The following NFYB variants were observed in gnomAD, a reference collection of about 807,000 sequenced individuals.
NFYB encodes the protein nuclear transcription factor Y subunit beta.
A neutral mutation model predicts 28.0 loss-of-function variants in NFYB; 13 were observed. The ratio of observed to expected loss-of-function variants is 0.46; its 90% confidence interval spans 0.30 to 0.74. The LOEUF (loss-of-function observed/expected upper bound fraction) is 0.74, where lower values mean the gene tolerates loss of function less well. Ranked by LOEUF, NFYB falls within the 30% of genes least tolerant of loss-of-function variation. The probability of loss-of-function intolerance (pLI) is 0.07; values close to 1 mark genes in which losing one functional copy is unlikely to be tolerated. For synonymous variants in NFYB, 74 were observed against 75.0 expected (o/e 0.99, Z 0.07); for missense variants, 142 against 247.6 (o/e 0.57, Z 2.86).
intron 6 of NFYB, 151 bp from the exon 7 acceptor site, chr12:104,120,630 AT>A (rs1246439124): frequency 1.6e-6 from 1 of 613,364 alleles, no homozygotes; most frequent in Non-Finnish European, 2.9e-6. Flanking sequence ...CCAATTTTCC[AT>A]TTTAAAAAAT....
rs1320654739 is a variant in NFYB at position 104,123,140 on chromosome 12, T to C, written c.429+86A>G. 21 of 1,018,930 alleles carry C rather than the reference T, an allele frequency of 2.1e-5. 1 individual carries two copies. Among genetic ancestry groups the C allele is most frequent in the Middle Eastern group, 6.4e-4 (2 of 3,132 alleles). 63.1% of individuals were successfully genotyped at this position (1,018,930 alleles called of 1,614,324 possible). On this transcript the variant is annotated intron_variant, in intron 5 of 7. Coordinates refer to ENST00000240055, the MANE Select transcript of NFYB (RefSeq NM_006166.4). ...GCAGTGAGCCGAGATCTTGCCACTG[T>C]ACTCCAGCCTGGGCAACAGAGCGAT...
chr12:104,120,537 G>T (rs1328036143), intron 6 of NFYB, 58 bp from the exon 7 acceptor site: 17 of 1,193,380 alleles, frequency 1.4e-5, no homozygotes, highest in Non-Finnish European at 1.7e-5. Flanking sequence ...TTCTTGGGTT[G>T]TATCTTAAGG....
chr12:104,128,539 T>C, intron 2 of NFYB, 22 bp from the exon 3 acceptor site: 2 of 1,531,902 alleles, frequency 1.3e-6, no homozygotes, highest in East Asian at 2.3e-5. Context: ...AAAACAGTTT[T>C]TCAATACTTT....
In NFYB at chr12:104,121,325, AG is replaced by A; in HGVS notation, c.430-5del. The A allele has an allele frequency of 6.2e-7, 1 of 1,602,508 alleles. No homozygotes were observed. The highest frequency in any genetic ancestry group is 8.5e-7 in the Non-Finnish European group (1 of 1,176,212). On this transcript the variant is annotated splice_polypyrimidine_tract_variant and splice_region_variant and intron_variant, in intron 5 of 7. Transcript: ENST00000240055. ...TTCCCTTTTCTCCTTTCATAGCCTG[AG>A]GAAGGAAAAAAAAAAAGTCACTGAT...
At position 104,121,414 on chromosome 12, in the gene NFYB, A is replaced by G. The variant is rs1321067296; in HGVS notation, c.430-93T>C. 7.8e-6 allele frequency: 8 copies of G among 1,020,592 alleles called. No individual in the cohort carries two copies. In the Admixed American group the frequency reaches 1.6e-4, roughly 21 times the overall value. The allele number at this position is 1,020,592 out of a possible 1,614,324, so 63.2% of individuals were successfully genotyped here. On this transcript the variant is annotated intron_variant, in intron 5 of 7. Transcript: ENST00000240055. Reference sequence around the variant, plus strand: ...TTATTGCCTAAAATTAGGAGCTTCTATTATTACAAACTCTAAGCAGAGTAT... The same window carrying G: ...TTATTGCCTAAAATTAGGAGCTTCTGTTATTACAAACTCTAAGCAGAGTAT...
Position 104,138,066 on chromosome 12 carries a change from G to A in NFYB, c.-80+75C>T, listed in dbSNP as rs1040004271. 2.1e-4 allele frequency: 31 copies of A among 147,838 alleles called. 1 individual carries two copies. Among genetic ancestry groups the A allele is most frequent in the Middle Eastern group, 3.4e-3 (1 of 292 alleles). 9.2% of individuals were successfully genotyped at this position (147,838 alleles called of 1,614,324 possible). The stretch of plus-strand genomic sequence containing the variant: ...GCGTTGGCGGCGGGGACGGCGCCGG[G>A]AGGAGACGGACATTTCATTCGAGCT... On this transcript the variant is annotated intron_variant, in intron 1 of 7. Transcript: ENST00000240055.
intron 1 of NFYB, 129 bp from the exon 2 acceptor site, chr12:104,135,661 C>G (rs1427861176): frequency 7.3e-6 from 3 of 412,338 alleles, no homozygotes; most frequent in African/African-American, 6.2e-5. Flanking sequence ...TATTCTTAAT[C>G]AATGGAGTAC....
At chr12:104,130,745 G>A (rs2030892182) in intron 2 of NFYB, among the ~76,000 whole-genome samples, 1 of 152,146 alleles carries the variant, frequency 6.6e-6, no homozygotes, top group Non-Finnish European at 1.5e-5. Context: ...CATACTAGGA[G>A]AGTATCCTTT....
chr12:104,126,062 T>G, intron 4 of NFYB, 52 bp downstream of exon 4: 1 of 1,508,706 alleles, frequency 6.6e-7, no homozygotes, highest in Non-Finnish European at 8.8e-7. Context: ...TGAATTCATG[T>G]AGTTTCGTGT....
intron 2 of NFYB, among the ~76,000 whole-genome samples, chr12:104,133,480 G>A (rs990132937): frequency 4.6e-5 from 7 of 152,182 alleles, no homozygotes; most frequent in African/African-American, 1.7e-4. Context: ...TCTTAGGACC[G>A]ATTTCGTGGG....
intron 3 of NFYB, among the ~76,000 whole-genome samples, chr12:104,127,410 A>T (rs1408948505): frequency 2.0e-5 from 3 of 150,330 alleles, no homozygotes; most frequent in African/African-American, 7.3e-5. Context: ...TGTCTCTACT[A>T]AAAAAAAATT....
rs1212894910 is a variant in NFYB, at chr12:104,121,439, T to C, written c.430-118A>G. On this transcript the variant is annotated intron_variant, in intron 5 of 7. Transcript: ENST00000240055. The stretch of plus-strand genomic sequence containing the variant: ...ATTATTACAAACTCTAAGCAGAGTA[T>C]TTATTAACACTTCTGGTTAATTACA... 26 of 783,910 alleles carry C rather than the reference T, an allele frequency of 3.3e-5. No homozygotes were observed. In the Admixed American group the frequency reaches 3.7e-4, roughly 11 times the overall value. The allele number at this position is 783,910 out of a possible 1,614,324, so 48.6% of individuals were successfully genotyped here.
rs758852746 is a variant in NFYB at position 104,120,444 on chromosome 12, C to T, written c.547G>A (p.Gly183Ser). ...TAAACCATAACATTTTGTTGTTGAC[C>T]GTCTGTGGTTATTAAGCCAGCTGGT... ...QLPAGLITTD[G>S]QQQNVMVYTT... is the part of the protein sequence containing the mutation. Residue 183 changes from glycine to serine, a missense_variant, in exon 7 of 8, where the codon GGT becomes AGT. Gly to Ser is a moderately conservative substitution (Grantham distance 56). This residue lies in a region of NFYB where 88 missense variants were observed against 189.5 expected (regional missense o/e 0.46). Coordinates refer to ENST00000240055, the MANE Select transcript of NFYB (RefSeq NM_006166.4). The T allele has an allele frequency of 5.6e-6, 9 of 1,613,510 alleles. No individual in the cohort carries two copies. The highest frequency in any genetic ancestry group is 1.3e-5 in the African/African-American group (1 of 74,934).
intron 2 of NFYB, among the ~76,000 whole-genome samples, chr12:104,135,061 G>C (rs903211872): frequency 3.3e-5 from 5 of 152,136 alleles, no homozygotes; most frequent in Non-Finnish European, 1.5e-5. Flanking sequence ...CTCAGTTCAA[G>C]GTCTGCAGGA....
intron 5 of NFYB, among the ~76,000 whole-genome samples, chr12:104,123,004 C>T (rs1193953866): frequency 1.3e-5 from 2 of 151,666 alleles, no homozygotes; most frequent in African/African-American, 2.4e-5. Flanking sequence ...GTGTAACCCC[C>T]GTCTCTACTA....
At chr12:104,120,183 C>T (rs975370588) in intron 7 of NFYB, among the ~76,000 whole-genome samples, 1 of 151,976 alleles carries the variant, frequency 6.6e-6, no homozygotes, top group Admixed American at 6.6e-5. Context: ...AGCCTCCAAG[C>T]AGAGGGGATT....
chr12:104,137,009 T>C (rs2031125467), intron 1 of NFYB, among the ~76,000 whole-genome samples: 1 of 152,188 alleles, frequency 6.6e-6, no homozygotes, highest in African/African-American at 2.4e-5. Context: ...GGTTAAACTT[T>C]CAATACTTTA....
intron 5 of NFYB, 50 bp downstream of exon 5, chr12:104,123,176 A>C (rs78195873): frequency 1.5e-6 from 1 of 674,848 alleles, no homozygotes; most frequent in Non-Finnish European, 2.1e-6. Flanking sequence ...ACTCCACCTC[A>C]AAAAAAAAAA....
Position 104,119,701 on chromosome 12 carries a change from ATT to A in NFYB, c.*34_*35del, listed in dbSNP as rs780486278. The A allele has an allele frequency of 2.6e-6, 4 of 1,528,840 alleles. No individual in the cohort carries two copies. In the African/African-American group the frequency reaches 4.1e-5, roughly 16 times the overall value. The allele number at this position is 1,528,840 out of a possible 1,614,324, so 94.7% of individuals were successfully genotyped here. A position where few individuals can be genotyped will look rare whatever the true frequency, so the allele number is the denominator to read the frequency against. Reference sequence around the variant, plus strand: ...CTGTTCCAGAATCATACAGACTCTCATTTCTCTACACTCCCCATTCCATCATT... The same window carrying A: ...CTGTTCCAGAATCATACAGACTCTCATCTCTACACTCCCCATTCCATCATT... On this transcript the variant is annotated 3_prime_UTR_variant, in exon 8 of 8. Coordinates refer to ENST00000240055, the MANE Select transcript of NFYB (RefSeq NM_006166.4).
Sources: gnomAD v4.1 joint callset for allele counts (sites outside exome capture counted in the v4.1 genomes callset) on GRCh38, gnomAD v4.1.1 for gene constraint, gnomAD v4.1.1 regional missense constraint, MANE v1.5 for transcripts, NCBI Gene and HGNC (gene_info 2026-07-23, HGNC 2026-07-21) for gene names.